Variants in EYS observed in about 807,000 individuals in gnomAD.
The protein encoded by EYS is EGF-like photoreceptor maintenance factor, also known as protein eyes shut homolog.
Under a neutral mutation model 282.1 loss-of-function variants are expected in EYS, and 250 were observed. That is an observed-to-expected ratio of 0.89 (90% CI 0.80 to 0.98). The LOEUF is 0.98. Among genes scored for constraint, EYS ranks in the 50% least tolerant of loss-of-function variants. The pLI is 0.00. For synonymous variants in EYS, 1,355 were observed against 1,282.9 expected, an observed-to-expected ratio of 1.06 and a Z score of -1.20; for missense variants, 4,016 against 3,709.0, an observed-to-expected ratio of 1.08 and a Z score of -2.15.
chr6:65,306,832 C>CAAAAAAAAAAAAAAAAAAAAAAAAAAAA (rs201743269), intron 11 of EYS, among the ~76,000 whole-genome samples: 57 of 51,748 alleles, frequency 1.1e-3, no homozygotes, highest in South Asian at 2.1e-3. Flanking sequence ...GAGTCCGTCT[C>CAAAAAAAAAAAAAAAAAAAAAAAAAAAA]AAAAAAAAAA....
chr6:65,122,544 T>C (rs904631253), intron 12 of EYS, among the ~76,000 whole-genome samples: 5 of 152,086 alleles, frequency 3.3e-5, no homozygotes, highest in African/African-American at 1.2e-4. Flanking sequence ...AAATTCGTAC[T>C]GTTTATCATA....
intron 30 of EYS, among the ~76,000 whole-genome samples, chr6:64,276,243 C>A (rs76231725): frequency 2.6e-5 from 4 of 152,136 alleles, no homozygotes; most frequent in Non-Finnish European, 5.9e-5. Context: ...AAGCACTCAA[C>A]CAATATAATT....
chr6:63,999,189 C>A lies in EYS; in HGVS notation c.6726-6G>T, dbSNP rs575406480. ...TGCCAACAGGCGTTGTGTAGCTAAACGTAAAACAGAAGAGGCCATTATGAT... is the reference window on the plus strand; with the variant it reads ...TGCCAACAGGCGTTGTGTAGCTAAAAGTAAAACAGAAGAGGCCATTATGAT... On this transcript the variant is annotated splice_region_variant and splice_polypyrimidine_tract_variant and intron_variant, in intron 33 of 42. Transcript: ENST00000503581. The A allele has an allele frequency of 3.9e-6, 6 of 1,544,336 alleles. No individual in the cohort carries two copies. The highest frequency in any genetic ancestry group is 2.7e-5 in the African/African-American group (2 of 72,842).
chr6:64,798,292 A>G (rs1353643006), intron 22 of EYS, among the ~76,000 whole-genome samples: 1 of 151,928 alleles, frequency 6.6e-6, no homozygotes, highest in Non-Finnish European at 1.5e-5. Context: ...TAAAGATGTT[A>G]AAACATAATT....
chr6:64,184,145 C>G (rs945296823), intron 31 of EYS, among the ~76,000 whole-genome samples: 5 of 152,124 alleles, frequency 3.3e-5, no homozygotes, highest in Admixed American at 1.3e-4. Context: ...TGGCAATTAT[C>G]ACCATTGGGT....
intron 26 of EYS, among the ~76,000 whole-genome samples, chr6:64,531,393 GTT>G (rs5876905): frequency 1.7e-4 from 20 of 118,986 alleles, no homozygotes; most frequent in African/African-American, 2.7e-4. Flanking sequence ...TTTGTTTTTT[GTT>G]TTTTTTTTTT....
intron 12 of EYS, among the ~76,000 whole-genome samples, chr6:65,139,646 C>A (rs1764276920): frequency 6.6e-6 from 1 of 152,080 alleles, no homozygotes; most frequent in African/African-American, 2.4e-5. Flanking sequence ...GAGTGGGAAA[C>A]TAGACTTCTA....
intron 22 of EYS, among the ~76,000 whole-genome samples, chr6:64,729,364 T>C (rs1771879135): frequency 6.6e-6 from 1 of 152,212 alleles, no homozygotes; most frequent in Non-Finnish European, 1.5e-5. Context: ...CCAATTGATG[T>C]TGAACGTGGC....
At chr6:64,228,678 A>G (rs1168182000) in intron 31 of EYS, among the ~76,000 whole-genome samples, 1 of 152,188 alleles carries the variant, frequency 6.6e-6, no homozygotes, top group Non-Finnish European at 1.5e-5. Flanking sequence ...TAATATGAAA[A>G]CATAATTTCT....
chr6:65,014,195 A>G (rs1295097229), intron 13 of EYS, among the ~76,000 whole-genome samples: 1 of 152,168 alleles, frequency 6.6e-6, no homozygotes. Flanking sequence ...TAAAATCACA[A>G]GGAAGTAAAT....
intron 5 of EYS, among the ~76,000 whole-genome samples, chr6:65,440,068 A>G (rs1246565530): frequency 6.6e-6 from 1 of 151,996 alleles, no homozygotes; most frequent in Admixed American, 6.6e-5. Context: ...GTTTTCAGAG[A>G]AAAAATTAAG....
rs372130977 is a variant in EYS, at chr6:65,434,582, G to A, written c.863-29215C>T. Among the ~76,000 whole-genome samples the A allele has an allele frequency of 3.2e-4, 48 of 152,186 alleles. No individual in the cohort carries two copies. In the East Asian group the frequency reaches 7.0e-3, roughly 22 times the overall value. The stretch of plus-strand genomic sequence containing the variant: ...TGATCGGCCCGCCTTGGCCTCCAAA[G>A]TGTTGAGATTACAGGCATGAGCCAC... On this transcript the variant is annotated intron_variant, in intron 5 of 42. Transcript: ENST00000503581.
intron 28 of EYS, among the ~76,000 whole-genome samples, chr6:64,399,908 C>A (rs961125653): frequency 6.6e-6 from 1 of 151,930 alleles, no homozygotes; most frequent in African/African-American, 2.4e-5. Flanking sequence ...GTTAAAATCA[C>A]AATTCATGTC....
chr6:65,317,468 T>A (rs1443876292), intron 11 of EYS, among the ~76,000 whole-genome samples: 1 of 152,232 alleles, frequency 6.6e-6, no homozygotes, highest in Non-Finnish European at 1.5e-5. Flanking sequence ...TTCCTATTGT[T>A]ACGGTCTGTA....
At chr6:64,957,130 G>T (rs1462775743) in intron 14 of EYS, among the ~76,000 whole-genome samples, 1 of 152,080 alleles carries the variant, frequency 6.6e-6, no homozygotes, top group Non-Finnish European at 1.5e-5. Flanking sequence ...TTCCATGTTT[G>T]TTGCAGCATT....
At chr6:65,253,251 C>T (rs753765741) in intron 12 of EYS, among the ~76,000 whole-genome samples, 1 of 151,940 alleles carries the variant, frequency 6.6e-6, no homozygotes, top group Non-Finnish European at 1.5e-5. Context: ...CATAATATAT[C>T]TAGGCTCTAA....
intron 28 of EYS, among the ~76,000 whole-genome samples, chr6:64,403,107 T>G (rs1316323593): frequency 6.6e-6 from 1 of 152,082 alleles, no homozygotes; most frequent in Non-Finnish European, 1.5e-5. Flanking sequence ...TCAAGAACAA[T>G]ATATCCAATT....
Position 63,729,198 on chromosome 6 carries a change from T to C in EYS, c.8072-2518A>G, listed in dbSNP as rs191472652. Among the ~76,000 whole-genome samples, 1,087 of 152,278 alleles carry C rather than the reference T, an allele frequency of 7.1e-3. 30 individuals are homozygous for C. The highest frequency in any genetic ancestry group is 2.5e-3 in the Non-Finnish European group (170 of 68,016). On this transcript the variant is annotated intron_variant, in intron 41 of 42. Transcript: ENST00000503581. ...AATTTTTGTGTTGAATTTTAAGAAT[T>C]CCTTGTTTACTTTGGATAGCAGTTC...
intron 15 of EYS, among the ~76,000 whole-genome samples, chr6:64,931,186 A>G (rs955696594): frequency 1.3e-5 from 2 of 152,116 alleles, no homozygotes; most frequent in African/African-American, 4.8e-5. Context: ...TCATTTATCT[A>G]ATTTTTTTCT....
Sources: gnomAD v4.1 joint callset for allele counts (sites outside exome capture counted in the v4.1 genomes callset) on GRCh38, gnomAD v4.1.1 for gene constraint, MANE v1.5 for transcripts, NCBI Gene and HGNC (gene_info 2026-07-23, HGNC 2026-07-21) for gene names.